KRTAP13-4: variants seen among roughly 807,000 people sequenced by gnomAD.
KRTAP13-4 encodes the protein keratin-associated protein 13-4.
For missense variants in KRTAP13-4, 198 were observed against 189.6 expected, an observed-to-expected ratio of 1.04 and a Z score of -0.26; for synonymous variants, 80 against 77.2, an observed-to-expected ratio of 1.04 and a Z score of -0.19.
rs199541715 is a variant in KRTAP13-4, at chr21:30,430,595, A to G, written c.320A>G (p.Asn107Ser). 4.2e-4 allele frequency: 678 copies of G among 1,614,166 alleles called. 1 individual carries two copies. Among genetic ancestry groups the G allele is most frequent in the Non-Finnish European group, 4.4e-4 (520 of 1,180,018 alleles). ...TCTAGGTGCTGCTACTCGCTGGGAA[A>G]TGGATCCAGTGGCTTCAGATTCCTG... is the stretch of plus-strand genomic sequence containing the variant. Residue 107 changes from asparagine to serine, a missense_variant, in exon 1 of 1, where the codon AAT becomes AGT. By Grantham distance (46) the Asn-to-Ser change is conservative. Transcript: ENST00000334068.
chr21:30,430,624 T>C, exon 1 of KRTAP13-4: 3 of 1,614,190 alleles, frequency 1.9e-6, no homozygotes, highest in Admixed American at 1.7e-5. Context: ...ATTCCTGAAA[T>C]ATGGAGGCTG....
At chr21:30,431,017 G>T in exon 1 of KRTAP13-4, 1 of 339,954 alleles carries the variant, frequency 2.9e-6, no homozygotes, top group Non-Finnish European at 5.6e-6. Flanking sequence ...TATGTAATCT[G>T]GTACCCAAAT....
At chr21:30,430,575 G>T (rs1218168118) in exon 1 of KRTAP13-4, 4 of 1,614,058 alleles carry the variant, frequency 2.5e-6, no homozygotes, top group Non-Finnish European at 3.4e-6. Flanking sequence ...ATGGATCTAG[G>T]TGCTGCTACT....
chr21:30,430,414 C>G (rs1221929100), exon 1 of KRTAP13-4: 3 of 1,614,178 alleles, frequency 1.9e-6, no homozygotes, highest in East Asian at 4.5e-5. Flanking sequence ...GCGTTCCTCT[C>G]TCTACAGGGA....
chr21:30,430,446 G>T, exon 1 of KRTAP13-4: 2 of 1,614,022 alleles, frequency 1.2e-6, no homozygotes, highest in Admixed American at 1.7e-5. Flanking sequence ...CCTGCTGGGA[G>T]CCCGCCAGCT....
chr21:30,430,968 CA>C, exon 1 of KRTAP13-4: 1 of 476,984 alleles, frequency 2.1e-6, no homozygotes, highest in Non-Finnish European at 3.7e-6. Context: ...GATTTTCATC[CA>C]AAAACTGTTG....
At chr21:30,430,750 AC>A in the KRTAP13-4 span, 2 of 1,604,488 alleles carry the variant, frequency 1.2e-6, no homozygotes, top group Non-Finnish European at 1.7e-6. Flanking sequence ...CTATCAATTC[AC>A]CTGCTAAATT....
At chr21:30,430,391 G>T (rs1008194961) in exon 1 of KRTAP13-4, 1 of 1,614,146 alleles carries the variant, frequency 6.2e-7, no homozygotes, top group Non-Finnish European at 8.5e-7. Flanking sequence ...TGCTCTCCCA[G>T]CACCTGCCAG....
exon 1 of KRTAP13-4, chr21:30,430,802 A>G: frequency 6.5e-7 from 1 of 1,535,992 alleles, no homozygotes; most frequent in African/African-American, 1.4e-5. Context: ...TCTCTACTGA[A>G]TGCAGCCATT....
At chr21:30,430,637 G>A (rs1404397050) in exon 1 of KRTAP13-4, 1 of 1,614,144 alleles carries the variant, frequency 6.2e-7, no homozygotes, top group Non-Finnish European at 8.5e-7. Flanking sequence ...GGAGGCTGTG[G>A]TTTTCCTTCC....
At chr21:30,430,491 C>A in exon 1 of KRTAP13-4, 2 of 1,614,220 alleles carry the variant, frequency 1.2e-6, no homozygotes, top group Non-Finnish European at 1.7e-6. Flanking sequence ...GGACCTCCAT[C>A]CTCTGCTGTC....
Position 30,430,883 on chromosome 21 carries a change from G to T in KRTAP13-4, c.*125G>T. ...CCAGCTTCTTGCATGACCAACTTCT[G>T]GCAGACTGCGAAATTAATGAGTAAC... On this transcript the variant is annotated 3_prime_UTR_variant, in exon 1 of 1. Transcript: ENST00000334068. 5 of 1,084,486 alleles carry T rather than the reference G, an allele frequency of 4.6e-6. No homozygotes were observed. In the South Asian group the frequency reaches 8.1e-5, roughly 18 times the overall value. The allele number at this position is 1,084,486 out of a possible 1,614,324, so 67.2% of individuals were successfully genotyped here.
At chr21:30,430,565 A>G (rs1258573787) in exon 1 of KRTAP13-4, 2 of 1,614,036 alleles carry the variant, frequency 1.2e-6, no homozygotes, top group Non-Finnish European at 1.7e-6. Flanking sequence ...TCCCAGGGCT[A>G]TGGATCTAGG....
At chr21:30,430,531 G>GCA in the KRTAP13-4 span, 1 of 1,614,180 alleles carries the variant, frequency 6.2e-7, no homozygotes, top group East Asian at 2.2e-5. Flanking sequence ...TGGATCTCTA[G>GCA]GCTTTCGGTC....
chr21:30,430,861 G>A, exon 1 of KRTAP13-4: 1 of 1,399,584 alleles, frequency 7.1e-7, no homozygotes, highest in Non-Finnish European at 9.7e-7. Context: ...TCCACCACCA[G>A]CTTCTTGCAT....
exon 1 of KRTAP13-4, chr21:30,430,717 A>G: frequency 6.2e-7 from 1 of 1,613,810 alleles, no homozygotes; most frequent in Non-Finnish European, 8.5e-7. Flanking sequence ...TTCTTGTTAC[A>G]GACCAATCTG....
exon 1 of KRTAP13-4, chr21:30,430,892 C>T (rs1539784): frequency 0.57 from 544,911 of 952,524 alleles, 157,870 homozygotes; most frequent in Middle Eastern, 0.65. Flanking sequence ...TGGCAGACTG[C>T]GAAATTAATG....
At chr21:30,430,985 G>T in exon 1 of KRTAP13-4, 1 of 431,850 alleles carries the variant, frequency 2.3e-6, no homozygotes, top group Middle Eastern at 6.5e-4. Context: ...TGTTGAAAAT[G>T]GAAATTTTAA....
exon 1 of KRTAP13-4, chr21:30,430,292 G>A: frequency 6.2e-7 from 1 of 1,610,274 alleles, no homozygotes. Flanking sequence ...TACAACTGCT[G>A]CTCTAGAAAC....
Sources: allele counts gnomAD v4.1 joint callset, GRCh38; gene constraint gnomAD v4.1.1; transcripts MANE v1.5; gene names NCBI Gene and HGNC (gene_info 2026-07-23, HGNC 2026-07-21).